Variants in DDX10 observed in about 807,000 individuals in gnomAD.
DDX10 encodes DEAD-box helicase 10, also known as probable ATP-dependent RNA helicase DDX10.
A neutral mutation model predicts 104.3 loss-of-function variants in DDX10; 74 were observed. The observed-to-expected ratio is 0.71, with a 90% CI of 0.59 to 0.86. The LOEUF (loss-of-function observed/expected upper bound fraction) is 0.86. DDX10 is among the 40% of genes least tolerant of loss of function. The pLI, the probability that DDX10 is intolerant of heterozygous loss-of-function variation, is 0.00. For missense variants in DDX10, 952 were observed against 1,040.0 expected, an observed-to-expected ratio of 0.92 and a Z score of 1.16; for synonymous variants, 351 against 353.4, an observed-to-expected ratio of 0.99 and a Z score of 0.08.
intron 12 of DDX10, 114 bp from the exon 13 acceptor site, chr11:108,722,883 A>G: frequency 7.0e-7 from 1 of 1,430,174 alleles, no homozygotes; most frequent in Non-Finnish European, 9.2e-7. Flanking sequence ...TCTCACAGGA[A>G]CATTTTCTTT....
At chr11:108,825,684 A>G (rs1309912618) in intron 13 of DDX10, among the ~76,000 whole-genome samples, 2 of 152,344 alleles carry the variant, frequency 1.3e-5, no homozygotes, top group East Asian at 3.9e-4. Context: ...AATAGTTGTC[A>G]TTGTTGCTCA....
intron 8 of DDX10, among the ~76,000 whole-genome samples, chr11:108,692,916 CT>C (rs2094254816): frequency 6.6e-6 from 1 of 152,162 alleles, no homozygotes; most frequent in Non-Finnish European, 1.5e-5. Context: ...TTTTATTATG[CT>C]TTAAGTTCTG....
chr11:108,879,532 A>G (rs1863199320), intron 16 of DDX10, among the ~76,000 whole-genome samples: 2 of 152,238 alleles, frequency 1.3e-5, no homozygotes, highest in African/African-American at 4.8e-5. Flanking sequence ...TAAGATTTGC[A>G]GCAGATTTGG....
chr11:108,684,176 C>CTTTTTTTTTTTTTTTTTTTTTTTT (rs55949043), intron 6 of DDX10, among the ~76,000 whole-genome samples: 2 of 26,672 alleles, frequency 7.5e-5, no homozygotes, highest in East Asian at 1.3e-3. Flanking sequence ...TATAGATTTT[C>CTTTTTTTTTTTTTTTTTTTTTTTT]TTTTTTTTTT....
At chr11:108,680,539 T>C (rs1039177330) in intron 6 of DDX10, among the ~76,000 whole-genome samples, 2 of 152,220 alleles carry the variant, frequency 1.3e-5, no homozygotes, top group African/African-American at 4.8e-5. Context: ...TTAAGTTGTA[T>C]TTTCATATGA....
intron 13 of DDX10, among the ~76,000 whole-genome samples, chr11:108,749,811 C>T (rs1174305748): frequency 1.3e-5 from 2 of 152,058 alleles, no homozygotes; most frequent in Non-Finnish European, 1.5e-5. Context: ...GGCCATTTAT[C>T]GTCTTGTTGC....
At chr11:108,716,821 CAT>C (rs1236157027) in intron 11 of DDX10, among the ~76,000 whole-genome samples, 1 of 152,006 alleles carries the variant, frequency 6.6e-6, no homozygotes, top group Non-Finnish European at 1.5e-5. Context: ...TGGTATGTAA[CAT>C]GTTTTGAAAC....
Position 108,673,518 on chromosome 11 carries a change from AC to A in DDX10, c.239del (p.Thr80AsnfsTer2). On this transcript the variant is annotated frameshift_variant, in exon 2 of 18. Transcript: ENST00000322536. LOFTEE classifies it high-confidence loss of function. ...RFSDFPLSKK[T>X]LKGLQEAQYR... Reference sequence around the variant, plus strand: ...TTCAGATTTTCCCTTGTCCAAAAAAACATTGAAAGGTAAGTATATGGTGATC... The same window carrying A: ...TTCAGATTTTCCCTTGTCCAAAAAAAATTGAAAGGTAAGTATATGGTGATC... 6.3e-7 allele frequency: 1 copy of A among 1,594,792 alleles called. No homozygotes were observed. The highest frequency in any genetic ancestry group is 8.6e-7 in the Non-Finnish European group (1 of 1,163,396).
At chr11:108,791,193 G>C (rs1398405432) in intron 13 of DDX10, among the ~76,000 whole-genome samples, 1 of 152,168 alleles carries the variant, frequency 6.6e-6, no homozygotes, top group Non-Finnish European at 1.5e-5. Context: ...CCATGCTGTG[G>C]GAAAAAGCCC....
At chr11:108,831,360 AGCCACTGCACTCTTCCCTGGC>A (rs1362293148) in intron 13 of DDX10, among the ~76,000 whole-genome samples, 2 of 142,968 alleles carry the variant, frequency 1.4e-5, no homozygotes, top group South Asian at 2.2e-4. Flanking sequence ...GCTGAGATCG[AGCCACTGCACTCTTCCCTGGC>A]GCCACTGCAC....
chr11:108,691,863 G>A lies in DDX10; in HGVS notation c.976-13G>A. On this transcript the variant is annotated splice_polypyrimidine_tract_variant and intron_variant, in intron 7 of 17. Coordinates refer to ENST00000322536, the MANE Select transcript of DDX10 (RefSeq NM_004398.4). ...CTGCCATAAGCAAACTTATTCTTCT[G>A]TTGATGCCCCAGGTCCAGTATCTGT... is the stretch of plus-strand genomic sequence containing the variant. 3 of 1,608,688 alleles carry A rather than the reference G, an allele frequency of 1.9e-6. No homozygotes were observed. The South Asian group carries it at 3.3e-5, about 18-fold the overall frequency.
At chr11:108,673,885 G>T (rs189308369) in intron 2 of DDX10, among the ~76,000 whole-genome samples, 24 of 152,308 alleles carry the variant, frequency 1.6e-4, no homozygotes, top group East Asian at 1.3e-3. Context: ...TTTTCTCACA[G>T]TTCTGGAAGT....
intron 16 of DDX10, among the ~76,000 whole-genome samples, chr11:108,858,304 A>G (rs958054905): frequency 1.3e-5 from 2 of 151,994 alleles, no homozygotes; most frequent in African/African-American, 4.8e-5. Flanking sequence ...TTACTTGGTG[A>G]TTGTCTCTCA....
chr11:108,737,900 C>G (rs1045613722), intron 13 of DDX10, among the ~76,000 whole-genome samples: 1 of 152,116 alleles, frequency 6.6e-6, no homozygotes, highest in African/African-American at 2.4e-5. Context: ...ATAATTCTTC[C>G]ACCTGCGTGC....
intron 13 of DDX10, among the ~76,000 whole-genome samples, chr11:108,794,284 TG>T (rs1861910170): frequency 6.6e-6 from 1 of 152,158 alleles, no homozygotes; most frequent in Non-Finnish European, 1.5e-5. Flanking sequence ...GTAGCTTTTT[TG>T]TAGGTTTTTA....
chr11:108,688,545 A>T (rs2094247726), intron 6 of DDX10, among the ~76,000 whole-genome samples: 1 of 152,196 alleles, frequency 6.6e-6, no homozygotes, highest in South Asian at 2.1e-4. Context: ...TGTACCATGA[A>T]ATATGAAAAT....
intron 15 of DDX10, among the ~76,000 whole-genome samples, chr11:108,847,871 G>A (rs747070697): frequency 6.6e-6 from 1 of 152,144 alleles, no homozygotes; most frequent in Non-Finnish European, 1.5e-5. Context: ...GACTTAGAAG[G>A]GTCAAGTAAT....
At chr11:108,940,126 C>A (rs1405873364) in intron 17 of DDX10, 120 bp from the exon 18 acceptor site, 1 of 1,082,352 alleles carries the variant, frequency 9.2e-7, no homozygotes, top group Non-Finnish European at 1.3e-6. Context: ...CTTGATGTTG[C>A]CATGGTTTCC....
intron 13 of DDX10, among the ~76,000 whole-genome samples, chr11:108,819,495 T>A (rs143882848): frequency 4.5e-4 from 69 of 152,322 alleles, no homozygotes; most frequent in Non-Finnish European, 9.1e-4. Context: ...TAATTATTTT[T>A]AAAATATACA....
Sources: gnomAD v4.1 joint callset for allele counts (sites outside exome capture counted in the v4.1 genomes callset) on GRCh38, gnomAD v4.1.1 for gene constraint, MANE v1.5 for transcripts, NCBI Gene and HGNC (gene_info 2026-07-23, HGNC 2026-07-21) for gene names.